Variants in DAB1 observed in about 807,000 individuals in gnomAD.
The protein encoded by DAB1 is DAB adaptor protein 1.
Under a neutral mutation model 64.6 loss-of-function variants are expected in DAB1, and 15 were observed. The ratio of observed to expected loss-of-function variants is 0.23; its 90% CI spans 0.16 to 0.36. The LOEUF (loss-of-function observed/expected upper bound fraction) is 0.36. DAB1 is among the 10% of genes least tolerant of loss of function. The probability of loss-of-function intolerance (pLI) is 1.00; values close to 1 mark genes in which losing one functional copy is unlikely to be tolerated. For synonymous variants in DAB1, 235 were observed against 251.9 expected (o/e 0.93, Z 0.64); for missense variants, 596 against 706.7 (o/e 0.84, Z 1.78).
At chr1:58,138,587 A>C (rs1654084398) in intron 5 of DAB1, among the ~76,000 whole-genome samples, 1 of 152,162 alleles carries the variant, frequency 6.6e-6, no homozygotes, top group Non-Finnish European at 1.5e-5. Flanking sequence ...GCTTGAAAGA[A>C]GTGGGTTGGG....
At chr1:57,585,102 A>G (rs986787554) in intron 7 of DAB1, among the ~76,000 whole-genome samples, 1 of 152,040 alleles carries the variant, frequency 6.6e-6, no homozygotes, top group African/African-American at 2.4e-5. Flanking sequence ...TACAAAAATT[A>G]GCTGGATGTG....
chr1:58,160,203 G>A (rs1357338728), intron 4 of DAB1, among the ~76,000 whole-genome samples: 1 of 152,114 alleles, frequency 6.6e-6, no homozygotes, highest in African/African-American at 2.4e-5. Context: ...GGTAAGGAGG[G>A]GTGGTAAGAG....
chr1:57,789,641 G>A (rs1391991784), intron 6 of DAB1, among the ~76,000 whole-genome samples: 1 of 152,166 alleles, frequency 6.6e-6, no homozygotes, highest in East Asian at 1.9e-4. Flanking sequence ...TCACCCTTAT[G>A]ACCTAATTAC....
intron 4 of DAB1, among the ~76,000 whole-genome samples, chr1:58,219,929 C>T (rs1035935480): frequency 6.6e-6 from 1 of 152,224 alleles, no homozygotes; most frequent in African/African-American, 2.4e-5. Context: ...ATTTAGCAGG[C>T]GTACAGCCAA....
intron 6 of DAB1, among the ~76,000 whole-genome samples, chr1:57,733,028 T>A (rs1647512898): frequency 6.6e-6 from 1 of 152,178 alleles, no homozygotes; most frequent in South Asian, 2.1e-4. Context: ...AGGTGCCTAC[T>A]CTTTCCAACA....
Position 58,501,628 on chromosome 1 carries a change from T to C in DAB1, n.257+4432A>G, listed in dbSNP as rs1367955950. Among the ~76,000 whole-genome samples the C allele has an allele frequency of 2.0e-5, 3 of 152,200 alleles. No homozygotes were observed. The East Asian group carries it at 5.8e-4, about 29-fold the overall frequency. On this transcript the variant is annotated intron_variant and non_coding_transcript_variant, in intron 3 of 20. Coordinates refer to the DAB1 transcript ENST00000485760. ...GCCTGGTTCCTTCACTTATTTCAAA[T>C]CTGTGTTCAAGTGTCAGCTTCTCAA...
chr1:57,433,705 G>A lies in DAB1; in HGVS notation n.626-142539C>T, dbSNP rs979921871. On this transcript the variant is annotated intron_variant and non_coding_transcript_variant, in intron 7 of 20. Coordinates refer to the DAB1 transcript ENST00000485760. ...GATGATCAAAGAAAACATTAAGAAA[G>A]TTAATGGTAAACCACAAACTTGGGG... Among the ~76,000 whole-genome samples, 12 of 152,056 alleles carry A rather than the reference G, an allele frequency of 7.9e-5. No homozygotes were observed. In the East Asian group the frequency reaches 2.3e-3, roughly 29 times the overall value.
chr1:58,220,847 A>C (rs1043565564), intron 4 of DAB1, among the ~76,000 whole-genome samples: 3 of 126,696 alleles, frequency 2.4e-5, no homozygotes, highest in African/African-American at 8.7e-5. Flanking sequence ...ACACGTATAC[A>C]CATTTATACA....
At chr1:57,004,726 G>C (rs986313716) in intron 14 of DAB1, among the ~76,000 whole-genome samples, 2 of 152,190 alleles carry the variant, frequency 1.3e-5, no homozygotes, top group African/African-American at 4.8e-5. Flanking sequence ...GGGGAAAAAG[G>C]CTAAAATAAC....
chr1:58,147,688 A>G (rs183883661), intron 5 of DAB1, among the ~76,000 whole-genome samples: 125 of 152,230 alleles, frequency 8.2e-4, no homozygotes, highest in African/African-American at 2.7e-3. Context: ...GAACTACCAT[A>G]TGGCTCAGCA....
At chr1:57,414,876 G>A (rs1289546879) in intron 1 of DAB1, among the ~76,000 whole-genome samples, 1 of 152,128 alleles carries the variant, frequency 6.6e-6, no homozygotes, top group African/African-American at 2.4e-5. Context: ...AATGGAAAGA[G>A]TTACTACATT....
chr1:57,778,806 C>T (rs1447441788), intron 6 of DAB1, among the ~76,000 whole-genome samples: 2 of 151,960 alleles, frequency 1.3e-5, no homozygotes, highest in Non-Finnish European at 1.5e-5. Flanking sequence ...TTCCGCCTTG[C>T]TTTTTTTCCT....
intron 5 of DAB1, among the ~76,000 whole-genome samples, chr1:58,006,053 T>A (rs1407350986): frequency 6.6e-6 from 1 of 152,220 alleles, no homozygotes; most frequent in Admixed American, 6.5e-5. Context: ...TATTGATTGA[T>A]GTGTGACCCC....
At chr1:57,047,754 C>T (rs907537285) in intron 9 of DAB1, among the ~76,000 whole-genome samples, 3 of 152,206 alleles carry the variant, frequency 2.0e-5, no homozygotes, top group Admixed American at 6.5e-5. Context: ...GCCCCTGCAG[C>T]TTCGGCCCCA....
chr1:57,828,843 G>A (rs1652467894), intron 1 of DAB1, among the ~76,000 whole-genome samples: 1 of 152,122 alleles, frequency 6.6e-6, no homozygotes, highest in Non-Finnish European at 1.5e-5. Flanking sequence ...AGGCTGAGAG[G>A]AAAAGATGAC....
intron 4 of DAB1, among the ~76,000 whole-genome samples, chr1:58,173,879 C>T (rs1002088481): frequency 6.6e-6 from 1 of 152,168 alleles, no homozygotes; most frequent in Non-Finnish European, 1.5e-5. Context: ...CCCATCAGTG[C>T]AGAGCCATAC....
intron 4 of DAB1, among the ~76,000 whole-genome samples, chr1:58,289,842 A>G (rs1473883811): frequency 1.3e-5 from 2 of 152,216 alleles, no homozygotes; most frequent in African/African-American, 4.8e-5. Context: ...ACATTGATAT[A>G]AATCCATCCT....
intron 2 of DAB1, chr1:58,527,226 G>A (rs1646366122): frequency 1.2e-6 from 1 of 863,570 alleles, no homozygotes; most frequent in Non-Finnish European, 2.0e-6. Context: ...AGCCTGGGAA[G>A]GGCATTATGT....
At chr1:57,272,369 C>T (rs761125577) in intron 2 of DAB1, among the ~76,000 whole-genome samples, 4 of 152,204 alleles carry the variant, frequency 2.6e-5, no homozygotes, top group African/African-American at 4.8e-5. Flanking sequence ...AGGATGGATG[C>T]GCATCCCACA....
Sources: allele counts gnomAD v4.1 joint callset (sites outside exome capture counted in the v4.1 genomes callset), GRCh38; gene constraint gnomAD v4.1.1; transcripts MANE v1.5; gene names NCBI Gene and HGNC (gene_info 2026-07-23, HGNC 2026-07-21).